Variants in UGGT1 observed in about 807,000 individuals in gnomAD.
The protein encoded by UGGT1 is UDP-glucose glycoprotein glucosyltransferase 1.
In UGGT1, 107 loss-of-function variants were observed where a neutral mutation model predicts 203.9. The ratio of observed to expected loss-of-function variants is 0.52; its 90% confidence interval spans 0.45 to 0.62. The LOEUF is 0.62. UGGT1 is among the 20% of genes least tolerant of loss of function. The pLI is 0.00. For missense variants in UGGT1, 1,673 were observed against 1,867.2 expected (o/e 0.90, Z 1.92); for synonymous variants, 628 against 653.5 (o/e 0.96, Z 0.59).
chr2:128,174,556 C>T (rs745848881), intron 30 of UGGT1, among the ~76,000 whole-genome samples: 7 of 152,176 alleles, frequency 4.6e-5, no homozygotes, highest in Non-Finnish European at 1.0e-4. Context: ...CTGCCGTGGT[C>T]TCCCGAAGTG....
chr2:128,108,190 G>C, intron 4 of UGGT1, 122 bp downstream of exon 4: 1 of 1,245,578 alleles, frequency 8.0e-7, no homozygotes, highest in Non-Finnish European at 1.1e-6. Flanking sequence ...AAATTTTCTA[G>C]GATTTATGAT....
intron 33 of UGGT1, 96 bp downstream of exon 33, chr2:128,178,016 C>G (rs1209459498): frequency 9.8e-7 from 1 of 1,020,246 alleles, no homozygotes; most frequent in African/African-American, 1.6e-5. Context: ...CTGTCTGGGC[C>G]TTTCACATTC....
chr2:128,095,466 C>T (rs1687074790), intron 1 of UGGT1, among the ~76,000 whole-genome samples: 1 of 145,254 alleles, frequency 6.9e-6, no homozygotes. Flanking sequence ...TTTCTTTCCT[C>T]TTCCTCCTCC....
chr2:128,101,881 C>G (rs1042262856), intron 2 of UGGT1, among the ~76,000 whole-genome samples: 1 of 152,112 alleles, frequency 6.6e-6, no homozygotes, highest in Non-Finnish European at 1.5e-5. Flanking sequence ...CAAGTTGTCA[C>G]CTGATTTGTA....
chr2:128,091,614 G>A, intron 1 of UGGT1, 199 bp downstream of exon 1: 1 of 1,435,060 alleles, frequency 7.0e-7, no homozygotes, highest in African/African-American at 1.5e-5. Flanking sequence ...TTCCGCGGGG[G>A]TGGCGGCGGG....
At position 128,151,881 on chromosome 2, in the gene UGGT1, G is replaced by GA. The variant is rs374963338; in HGVS notation, c.2017-894dup. ...GAAAGAGCAAGACCTTGTCTCAAAG[G>GA]AAAAAAAAAGAAAATGACTTTAAAG... On this transcript the variant is annotated intron_variant, in intron 18 of 40. Coordinates refer to ENST00000259253, the MANE Select transcript of UGGT1 (RefSeq NM_020120.4). 5.0e-3 allele frequency among the ~76,000 whole-genome samples: 745 copies of GA among 150,034 alleles called. 6 individuals carry two copies. Among genetic ancestry groups the GA allele is most frequent in the African/African-American group, 0.014 (574 of 40,894 alleles).
At chr2:128,139,234 G>A (rs369418822) in intron 16 of UGGT1, among the ~76,000 whole-genome samples, 1 of 152,060 alleles carries the variant, frequency 6.6e-6, no homozygotes, top group Non-Finnish European at 1.5e-5. Flanking sequence ...CTTCCACAAC[G>A]GCTACCTTAA....
In UGGT1 at chr2:128,161,245, A is replaced by G. The variant is rs1690513633; in HGVS notation, c.2802A>G (p.Gln934=). The G allele has an allele frequency of 1.2e-6, 2 of 1,613,916 alleles. No homozygotes were observed. Among genetic ancestry groups the G allele is most frequent in the South Asian group, 2.2e-5 (2 of 91,070 alleles). The change falls in exon 25 of 41, where the codon CAA becomes CAG. Residue 934 remains glutamine, a synonymous_variant. Transcript: ENST00000259253. ...GACAGAAAATAAAATCTCATATTCA[A>G]CAGCTTCGGGTAGAAGAAGATGTGT... ...TSGQKIKSHI[Q]QLRVEEDVAS... is the part of the protein sequence containing the mutation.
At chr2:128,131,173 C>T (rs1010918246) in intron 13 of UGGT1, among the ~76,000 whole-genome samples, 3 of 139,366 alleles carry the variant, frequency 2.2e-5, no homozygotes, top group Non-Finnish European at 4.5e-5. Context: ...GCAGAGGTTG[C>T]AGTGAGCCGA....
intron 5 of UGGT1, among the ~76,000 whole-genome samples, chr2:128,110,321 C>T (rs538228936): frequency 2.6e-5 from 4 of 152,232 alleles, no homozygotes; most frequent in South Asian, 2.1e-4. Context: ...TAAACAGAAC[C>T]GTGATCTCTC....
chr2:128,114,550 G>A (rs938869306), intron 6 of UGGT1, among the ~76,000 whole-genome samples: 11 of 152,140 alleles, frequency 7.2e-5, no homozygotes, highest in Non-Finnish European at 1.6e-4. Flanking sequence ...TCAGGATGCT[G>A]GTGAGCCTGT....
intron 17 of UGGT1, chr2:128,145,519 CACACAT>C (rs59897272): frequency 0.39 from 98,821 of 256,466 alleles, 18,256 homozygotes; most frequent in East Asian, 0.58. Flanking sequence ...CACACACACA[CACACAT>C]ACACAAACAC....
intron 12 of UGGT1, 132 bp from the exon 13 acceptor site, chr2:128,128,897 T>C: frequency 1.2e-6 from 1 of 863,556 alleles, no homozygotes; most frequent in Non-Finnish European, 1.7e-6. Flanking sequence ...TTTGTGTGTT[T>C]ATTGCTTTTT....
chr2:128,168,977 G>A (rs915738317), intron 26 of UGGT1, among the ~76,000 whole-genome samples: 1 of 147,850 alleles, frequency 6.8e-6, no homozygotes, highest in Non-Finnish European at 1.5e-5. Flanking sequence ...AGCCGGGGAG[G>A]TGGAGGTTGC....
At chr2:128,165,531 C>CTACAAAAA (rs1260594709) in intron 26 of UGGT1, among the ~76,000 whole-genome samples, 1 of 152,130 alleles carries the variant, frequency 6.6e-6, no homozygotes. Context: ...AACCCCATCT[C>CTACAAAAA]TACAAAAATA....
At chr2:128,154,753 A>G (rs2104718834) in intron 19 of UGGT1, among the ~76,000 whole-genome samples, 1 of 152,312 alleles carries the variant, frequency 6.6e-6, no homozygotes, top group Non-Finnish European at 1.5e-5. Context: ...ATGAGTGGGT[A>G]GGCAGGCAAG....
chr2:128,116,186 TG>T (rs1558762783), intron 7 of UGGT1, 78 bp from the exon 8 acceptor site: 1 of 876,798 alleles, frequency 1.1e-6, no homozygotes, highest in Non-Finnish European at 1.8e-6. Flanking sequence ...TTCAATTTTA[TG>T]AAGTTTATGA....
At chr2:128,146,709 A>G (rs1297200105) in intron 18 of UGGT1, among the ~76,000 whole-genome samples, 1 of 152,160 alleles carries the variant, frequency 6.6e-6, no homozygotes, top group Admixed American at 6.5e-5. Flanking sequence ...CACCCCCAAA[A>G]GAAACCCCAC....
intron 3 of UGGT1, among the ~76,000 whole-genome samples, chr2:128,105,242 C>CT (rs1279399043): frequency 6.8e-6 from 1 of 147,294 alleles, no homozygotes; most frequent in East Asian, 2.0e-4. Context: ...TAAAAATTGT[C>CT]TGAATCTTTT....
Sources: allele counts gnomAD v4.1 joint callset (sites outside exome capture counted in the v4.1 genomes callset), GRCh38; gene constraint gnomAD v4.1.1; transcripts MANE v1.5; gene names NCBI Gene and HGNC (gene_info 2026-07-23, HGNC 2026-07-21).